Variants in TXLNB observed in about 807,000 individuals in gnomAD.
The protein encoded by TXLNB is beta-taxilin.
Under a neutral mutation model 57.4 loss-of-function variants are expected in TXLNB, and 37 were observed. The observed-to-expected ratio is 0.64, with a 90% CI of 0.50 to 0.85. The LOEUF (loss-of-function observed/expected upper bound fraction) is 0.85, where lower values mean the gene tolerates loss of function less well. Ranked by LOEUF, TXLNB falls within the 40% of genes least tolerant of loss-of-function variation. The pLI is 0.00. For synonymous variants in TXLNB, 302 were observed against 309.6 expected (o/e 0.98, Z 0.26); for missense variants, 848 against 825.6 (o/e 1.03, Z -0.33).
the TXLNB span, among the ~76,000 whole-genome samples, chr6:139,185,186 A>G: frequency 3.3e-5 from 5 of 152,164 alleles, no homozygotes; most frequent in South Asian, 4.2e-4. Context: ...GCTACTGTGC[A>G]TATTTCAGAA....
chr6:139,253,952 G>C (rs1776272878), intron 7 of TXLNB, among the ~76,000 whole-genome samples: 1 of 152,102 alleles, frequency 6.6e-6, no homozygotes, highest in Admixed American at 6.5e-5. Context: ...GATTCCTTGA[G>C]GTCACACCCC....
chr6:139,217,864 C>CAAAAAAAAAAA, the TXLNB span, among the ~76,000 whole-genome samples: 2 of 51,928 alleles, frequency 3.9e-5, no homozygotes, highest in Non-Finnish European at 4.4e-5. Context: ...GCAAGAGTCT[C>CAAAAAAAAAAA]AAAAAAAAAA....
chr6:139,172,077 C>T, the TXLNB span, among the ~76,000 whole-genome samples: 4 of 152,232 alleles, frequency 2.6e-5, no homozygotes, highest in East Asian at 5.8e-4. Flanking sequence ...GTGATCTACC[C>T]GCCTTGGCCT....
chr6:139,200,390 G>A, the TXLNB span, among the ~76,000 whole-genome samples: 19 of 152,200 alleles, frequency 1.2e-4, no homozygotes, highest in African/African-American at 3.6e-4. Flanking sequence ...GTACCCATAG[G>A]GTGAGAGAAA....
chr6:139,287,675 A>G (rs1777207086), intron 2 of TXLNB, among the ~76,000 whole-genome samples: 1 of 152,214 alleles, frequency 6.6e-6, no homozygotes, highest in Admixed American at 6.5e-5. Flanking sequence ...GAGTATTCGT[A>G]GTGAGTGTTT....
chr6:139,290,160 G>C (rs1777272564), intron 1 of TXLNB, among the ~76,000 whole-genome samples: 1 of 152,172 alleles, frequency 6.6e-6, no homozygotes, highest in South Asian at 2.1e-4. Flanking sequence ...GCCGAGGCGG[G>C]TGGATCCTTG....
chr6:139,321,101 C>T, the TXLNB span, among the ~76,000 whole-genome samples: 1 of 152,280 alleles, frequency 6.6e-6, no homozygotes, highest in African/African-American at 2.4e-5. Context: ...CTACCTTATC[C>T]AATGGATTGA....
the TXLNB span, among the ~76,000 whole-genome samples, chr6:139,230,714 T>C: frequency 6.6e-6 from 1 of 152,210 alleles, no homozygotes; most frequent in Admixed American, 6.5e-5. Flanking sequence ...AATTATTTCA[T>C]GAATAGCTGA....
the TXLNB span, among the ~76,000 whole-genome samples, chr6:139,230,197 A>G: frequency 3.4e-3 from 518 of 152,336 alleles, 1 homozygote; most frequent in African/African-American, 0.012. Context: ...GAGAAGCCAG[A>G]TGGTCCACCT....
intron 2 of TXLNB, among the ~76,000 whole-genome samples, chr6:139,280,251 T>TAAAAAAA (rs11313271): frequency 2.3e-4 from 18 of 78,132 alleles, no homozygotes; most frequent in Admixed American, 3.3e-4. Flanking sequence ...ACTCTCTCTC[T>TAAAAAAA]AAAAAAAAAA....
the TXLNB span, among the ~76,000 whole-genome samples, chr6:139,306,258 T>C: frequency 6.5e-4 from 99 of 152,348 alleles, no homozygotes; most frequent in African/African-American, 2.3e-3. Context: ...CCAGTCCTAC[T>C]GAGCTGCTCC....
the TXLNB span, among the ~76,000 whole-genome samples, chr6:139,184,607 C>T: frequency 6.1e-5 from 5 of 82,240 alleles, no homozygotes; most frequent in Admixed American, 1.3e-4. Flanking sequence ...GTCTACACCA[C>T]GAATTCATCA....
the TXLNB span, among the ~76,000 whole-genome samples, chr6:139,314,330 C>T: frequency 6.6e-6 from 1 of 152,216 alleles, no homozygotes; most frequent in Non-Finnish European, 1.5e-5. Flanking sequence ...TTGGCTTCCA[C>T]AACGCCCTGC....
At chr6:139,216,063 T>C in the TXLNB span, among the ~76,000 whole-genome samples, 17 of 152,178 alleles carry the variant, frequency 1.1e-4, no homozygotes, top group Non-Finnish European at 2.1e-4. Flanking sequence ...GAAGTCAGTG[T>C]GGCGATTCCT....
intron 5 of TXLNB, 46 bp from the exon 6 acceptor site, chr6:139,260,483 G>C: frequency 6.3e-7 from 1 of 1,583,078 alleles, no homozygotes. Flanking sequence ...TATTATTGGT[G>C]CTTAAAAATG....
At chr6:139,211,767 T>C in the TXLNB span, among the ~76,000 whole-genome samples, 1 of 151,986 alleles carries the variant, frequency 6.6e-6, no homozygotes, top group Non-Finnish European at 1.5e-5. Flanking sequence ...GAATAACCAA[T>C]GCAGAGAAGT....
Position 139,245,820 on chromosome 6 carries a change from G to A in TXLNB, c.1171-1130C>T, listed in dbSNP as rs186692093. Reference sequence around the variant, plus strand: ...CGATTCTCCTGCCTCAGCCTCCTGAGTAGCTGGGATTACAGGCGCCTGCCA... The same window carrying A: ...CGATTCTCCTGCCTCAGCCTCCTGAATAGCTGGGATTACAGGCGCCTGCCA... On this transcript the variant is annotated intron_variant, in intron 8 of 9. Transcript: ENST00000358430. 2.3e-3 allele frequency among the ~76,000 whole-genome samples: 344 copies of A among 152,256 alleles called. 1 individual carries two copies. Among genetic ancestry groups the A allele is most frequent in the Non-Finnish European group, 3.7e-3 (253 of 68,028 alleles).
chr6:139,205,112 A>G, the TXLNB span, among the ~76,000 whole-genome samples: 610 of 152,312 alleles, frequency 4.0e-3, 2 homozygotes, highest in Middle Eastern at 0.014. Context: ...AACTTAGGGC[A>G]AGCTCACATC....
intron 9 of TXLNB, 119 bp from the exon 10 acceptor site, chr6:139,243,433 T>C: frequency 6.7e-6 from 7 of 1,048,432 alleles, no homozygotes; most frequent in South Asian, 1.7e-5. Context: ...TCTACTAGGC[T>C]CTGGGACCTG....
Sources: allele counts gnomAD v4.1 joint callset (sites outside exome capture counted in the v4.1 genomes callset), GRCh38; gene constraint gnomAD v4.1.1; transcripts MANE v1.5; gene names NCBI Gene and HGNC (gene_info 2026-07-23, HGNC 2026-07-21).